N4BP1: variants seen among roughly 807,000 people sequenced by gnomAD.
The protein encoded by N4BP1 is NEDD4 binding protein 1, also known as NEDD4-binding protein 1.
Under a neutral mutation model 70.9 loss-of-function variants are expected in N4BP1, and 21 were observed. The observed-to-expected ratio is 0.30, with a 90% CI of 0.21 to 0.43. The LOEUF is 0.43. Ranked by LOEUF, N4BP1 falls within the 20% of genes least tolerant of loss-of-function variation. N4BP1 has a pLI of 1.00. For missense variants in N4BP1, 936 were observed against 1,069.4 expected, an observed-to-expected ratio of 0.88 and a Z score of 1.74; for synonymous variants, 387 against 394.6, an observed-to-expected ratio of 0.98 and a Z score of 0.23.
intron 1 of N4BP1, among the ~76,000 whole-genome samples, chr16:48,572,019 G>A (rs558301549): frequency 2.0e-5 from 3 of 152,120 alleles, no homozygotes; most frequent in African/African-American, 7.2e-5. Context: ...GGGCAACATG[G>A]AGAAACCCCA....
chr16:48,607,318 G>A (rs1431801774), intron 1 of N4BP1, among the ~76,000 whole-genome samples: 1 of 152,194 alleles, frequency 6.6e-6, no homozygotes, highest in Non-Finnish European at 1.5e-5. Flanking sequence ...TTGAGCAAAA[G>A]CAGAACCCAG....
At chr16:48,597,242 C>G (rs151301998) in intron 1 of N4BP1, among the ~76,000 whole-genome samples, 1 of 152,162 alleles carries the variant, frequency 6.6e-6, no homozygotes, top group South Asian at 2.1e-4. Flanking sequence ...TTTGTCTAGG[C>G]AGAGGACAAG....
At position 48,609,423 on chromosome 16, in the gene N4BP1, C is replaced by T. The variant is rs781647715; in HGVS notation, c.198+352G>A. Among the ~76,000 whole-genome samples the T allele has an allele frequency of 4.6e-5, 7 of 152,294 alleles. No individual in the cohort carries two copies. In the East Asian group the frequency reaches 5.8e-4, roughly 13 times the overall value. ...CCCAGCAACAGGCCTTGCGTACCAT[C>T]CTGGGGGCCGGGGAACTGACAACAA... is the stretch of plus-strand genomic sequence containing the variant. On this transcript the variant is annotated intron_variant, in intron 1 of 6. Transcript: ENST00000262384.
At chr16:48,588,593 C>A (rs974003863) in intron 1 of N4BP1, among the ~76,000 whole-genome samples, 24 of 152,266 alleles carry the variant, frequency 1.6e-4, no homozygotes, top group African/African-American at 4.8e-4. Context: ...CTGTGCCCAG[C>A]CTCAATATCA....
intron 1 of N4BP1, among the ~76,000 whole-genome samples, chr16:48,609,502 A>G (rs1183961422): frequency 6.6e-6 from 1 of 152,170 alleles, no homozygotes; most frequent in Non-Finnish European, 1.5e-5. Flanking sequence ...CCTGCGCTTC[A>G]TACACATCCC....
At chr16:48,600,231 A>C in intron 1 of N4BP1, 1 of 811,820 alleles carries the variant, frequency 1.2e-6, no homozygotes. Context: ...GTTCATCCGC[A>C]ACGACTGAAA....
At chr16:48,595,028 A>G (rs1964390208) in intron 1 of N4BP1, among the ~76,000 whole-genome samples, 2 of 152,164 alleles carry the variant, frequency 1.3e-5, no homozygotes, top group South Asian at 4.1e-4. Flanking sequence ...CATTAGAATA[A>G]AAAAAACTTT....
chr16:48,575,513 G>A (rs1437239223), intron 1 of N4BP1, among the ~76,000 whole-genome samples: 2 of 152,202 alleles, frequency 1.3e-5, no homozygotes, highest in East Asian at 1.9e-4. Context: ...GGAGTTCCCG[G>A]CAACTTCTAC....
intron 1 of N4BP1, among the ~76,000 whole-genome samples, chr16:48,599,635 T>C (rs1038288328): frequency 6.6e-6 from 1 of 152,274 alleles, no homozygotes; most frequent in African/African-American, 2.4e-5. Context: ...TTTTTAGGAA[T>C]TATAATTTTT....
At chr16:48,609,554 C>T (rs975185588) in intron 1 of N4BP1, among the ~76,000 whole-genome samples, 7 of 152,254 alleles carry the variant, frequency 4.6e-5, no homozygotes, top group East Asian at 1.9e-4. Context: ...TAGGTACTTT[C>T]GTCAGCGCCA....
intron 4 of N4BP1, among the ~76,000 whole-genome samples, chr16:48,549,579 C>A (rs1020561143): frequency 6.6e-6 from 1 of 152,200 alleles, no homozygotes; most frequent in South Asian, 2.1e-4. Context: ...CCTTCCATTC[C>A]GCCTTCTAGT....
At chr16:48,607,819 G>A (rs1287565334) in intron 1 of N4BP1, among the ~76,000 whole-genome samples, 1 of 152,182 alleles carries the variant, frequency 6.6e-6, no homozygotes, top group East Asian at 1.9e-4. Flanking sequence ...TTAAGCCCAG[G>A]AAAGCAAACT....
At chr16:48,546,599 A>C in intron 5 of N4BP1, 1 of 178,222 alleles carries the variant, frequency 5.6e-6, no homozygotes, top group Admixed American at 6.2e-5. Flanking sequence ...TAGGACACAA[A>C]TGCTGAACAA....
chr16:48,545,653 A>C (rs1963579503), intron 6 of N4BP1, among the ~76,000 whole-genome samples: 1 of 152,070 alleles, frequency 6.6e-6, no homozygotes, highest in Non-Finnish European at 1.5e-5. Context: ...GAAAACTGAA[A>C]GGACTATAGT....
chr16:48,591,794 C>A (rs1335262090), intron 1 of N4BP1, among the ~76,000 whole-genome samples: 1 of 150,490 alleles, frequency 6.6e-6, no homozygotes, highest in Non-Finnish European at 1.5e-5. Context: ...AAAAAAAAAA[C>A]CTGTTTTCCT....
At chr16:48,606,165 C>G (rs902983991) in intron 1 of N4BP1, among the ~76,000 whole-genome samples, 2 of 152,144 alleles carry the variant, frequency 1.3e-5, no homozygotes, top group Admixed American at 6.5e-5. Flanking sequence ...GTGGCCCCAC[C>G]AGTCAATAGG....
intron 1 of N4BP1, among the ~76,000 whole-genome samples, chr16:48,595,740 A>G (rs188080083): frequency 2.0e-5 from 3 of 152,318 alleles, no homozygotes; most frequent in Admixed American, 2.0e-4. Flanking sequence ...AAGGAATCAA[A>G]CTTGACTTAT....
intron 2 of N4BP1, 27 bp from the exon 3 acceptor site, chr16:48,553,696 A>G (rs762671875): frequency 6.6e-7 from 1 of 1,518,988 alleles, no homozygotes; most frequent in Non-Finnish European, 8.8e-7. Context: ...AAAGAAAATA[A>G]GTAAAGTTTA....
At chr16:48,563,486 A>T (rs1963892230) in intron 1 of N4BP1, among the ~76,000 whole-genome samples, 1 of 151,886 alleles carries the variant, frequency 6.6e-6, no homozygotes, top group South Asian at 2.1e-4. Flanking sequence ...CCCAGGTTCA[A>T]GCGACTCTTC....
Sources: allele counts gnomAD v4.1 joint callset (sites outside exome capture counted in the v4.1 genomes callset), GRCh38; gene constraint gnomAD v4.1.1; transcripts MANE v1.5; gene names NCBI Gene and HGNC (gene_info 2026-07-23, HGNC 2026-07-21).